The following TNS3 variants were observed in gnomAD, a reference collection of about 807,000 sequenced individuals.
The protein encoded by TNS3 is tensin 3.
TNS3 carries 45 observed loss-of-function variants against 140.9 expected under a neutral mutation model. The observed-to-expected ratio is 0.32, with a 90% CI of 0.25 to 0.41. The LOEUF (loss-of-function observed/expected upper bound fraction) is 0.41, where lower values mean the gene tolerates loss of function less well. TNS3 is among the 10% of genes least tolerant of loss of function. The probability of loss-of-function intolerance (pLI) is 1.00; values close to 1 mark genes in which losing one functional copy is unlikely to be tolerated. For missense variants in TNS3, 1,716 were observed against 1,906.7 expected, an observed-to-expected ratio of 0.90 and a Z score of 1.86; for synonymous variants, 815 against 788.4, an observed-to-expected ratio of 1.03 and a Z score of -0.56.
chr7:47,333,621 G>C (rs1788461765), intron 20 of TNS3, among the ~76,000 whole-genome samples: 1 of 152,088 alleles, frequency 6.6e-6, no homozygotes, highest in Non-Finnish European at 1.5e-5. Context: ...AACAGAAAAG[G>C]GAGTCGAGTA....
At chr7:47,443,359 C>T (rs1300788709) in intron 4 of TNS3, among the ~76,000 whole-genome samples, 1 of 152,042 alleles carries the variant, frequency 6.6e-6, no homozygotes, top group Non-Finnish European at 1.5e-5. Context: ...GTCTCCAGAC[C>T]CCGCCCACCC....
intron 13 of TNS3, among the ~76,000 whole-genome samples, chr7:47,411,425 A>G (rs1177586351): frequency 2.0e-5 from 3 of 152,154 alleles, no homozygotes; most frequent in Non-Finnish European, 1.5e-5. Context: ...GATCGCTCGC[A>G]TACACAGTTC....
At chr7:47,563,936 G>A (rs762362050) in intron 1 of TNS3, among the ~76,000 whole-genome samples, 119 of 152,304 alleles carry the variant, frequency 7.8e-4, no homozygotes, top group Non-Finnish European at 1.2e-3. Context: ...GCTCACGCCT[G>A]TAATCCCAGC....
chr7:47,485,681 CT>C (rs1180122216), intron 3 of TNS3, among the ~76,000 whole-genome samples: 1 of 152,250 alleles, frequency 6.6e-6, no homozygotes, highest in Non-Finnish European at 1.5e-5. Context: ...GCGAGGGCCC[CT>C]CTGAGAAGCC....
intron 20 of TNS3, among the ~76,000 whole-genome samples, chr7:47,309,016 G>A (rs1786921283): frequency 6.6e-6 from 1 of 152,190 alleles, no homozygotes; most frequent in African/African-American, 2.4e-5. Flanking sequence ...CCAACTCAGA[G>A]TCTCCCAGAT....
intron 8 of TNS3, among the ~76,000 whole-genome samples, chr7:47,430,350 G>C (rs1704966): frequency 6.6e-6 from 1 of 151,618 alleles, no homozygotes; most frequent in Non-Finnish European, 1.5e-5. Flanking sequence ...GGCTGATCTC[G>C]AACTCCCGAT....
At chr7:47,279,217 C>A (rs1440681208) in intron 30 of TNS3, 1 of 152,320 alleles carries the variant, frequency 6.6e-6, no homozygotes, top group African/African-American at 2.4e-5. Flanking sequence ...TGCCTGTGAT[C>A]AGGCACTGTG....
rs117729612 is a variant in TNS3 at position 47,387,925 on chromosome 7, C to A, written c.1024+8875G>T. On this transcript the variant is annotated intron_variant, in intron 16 of 30. Coordinates refer to ENST00000311160, the MANE Select transcript of TNS3 (RefSeq NM_022748.12). ...ACATTTTGGTTCTGTATATCAAATACTTAAAGTCAGCAGGTGCTCTCTTTC... is the reference window on the plus strand; with the variant it reads ...ACATTTTGGTTCTGTATATCAAATAATTAAAGTCAGCAGGTGCTCTCTTTC... Among the ~76,000 whole-genome samples, 352 of 152,334 alleles carry A rather than the reference C, an allele frequency of 2.3e-3. 1 individual carries two copies. The highest frequency in any genetic ancestry group is 3.8e-3 in the Non-Finnish European group (260 of 68,030).
At chr7:47,497,662 A>AACACACACACACAC (rs6150097) in intron 3 of TNS3, among the ~76,000 whole-genome samples, 1,476 of 91,194 alleles carry the variant, frequency 0.016, 24 homozygotes, top group East Asian at 0.048. Context: ...TCACGTATGG[A>AACACACACACACAC]ACACACACAC....
chr7:47,289,909 G>C (rs181313299), intron 27 of TNS3, among the ~76,000 whole-genome samples: 1 of 152,280 alleles, frequency 6.6e-6, no homozygotes, highest in African/African-American at 2.4e-5. Flanking sequence ...AGTTAATACA[G>C]AAAGGCAAAA....
chr7:47,540,411 A>G (rs1019731442), intron 1 of TNS3, among the ~76,000 whole-genome samples: 4 of 152,134 alleles, frequency 2.6e-5, no homozygotes, highest in Admixed American at 6.6e-5. Context: ...GAGCCCCTCC[A>G]TGAGTCAGAC....
chr7:47,368,280 T>C (rs1368591057), intron 17 of TNS3, 85 bp downstream of exon 17: 16 of 1,302,288 alleles, frequency 1.2e-5, no homozygotes, highest in South Asian at 2.5e-5. Flanking sequence ...CGCCAAAAGC[T>C]AACCTACTAG....
At chr7:47,416,684 C>T (rs569814466) in intron 10 of TNS3, among the ~76,000 whole-genome samples, 63 of 152,302 alleles carry the variant, frequency 4.1e-4, no homozygotes, top group African/African-American at 1.4e-3. Context: ...AGCTCCCACA[C>T]GCCTCTCCTG....
In TNS3 at chr7:47,368,766, G is replaced by C. The variant is rs755924390; in HGVS notation, c.1880C>G (p.Pro627Arg). The change falls in exon 17 of 31, where the codon CCC (proline) becomes CGC (arginine). Residue 627 changes from proline (P) to arginine (R), a missense_variant. By Grantham distance (103) the Pro-to-Arg change is moderately radical. Transcript: ENST00000311160. ...TCGGGTGGGGGTGAGTGGCACTCTG[G>C]GCTGGGCCTGGACGAGGCCAGGATT... ...ADNPGLVQAQ[P>R]RVPLTPTRGT... 1 of 1,593,344 alleles carries C rather than the reference G, an allele frequency of 6.3e-7. No individual in the cohort carries two copies.
chr7:47,582,198 G>C (rs1054086385), upstream of TNS3: 1 of 150,390 alleles, frequency 6.6e-6, no homozygotes, highest in African/African-American at 2.5e-5. Flanking sequence ...CGCCACGGCC[G>C]GCCCCCGCGC....
At chr7:47,506,149 G>A (rs1164380593) in intron 3 of TNS3, among the ~76,000 whole-genome samples, 2 of 152,176 alleles carry the variant, frequency 1.3e-5, no homozygotes, top group African/African-American at 4.8e-5. Flanking sequence ...CCAAACAGTA[G>A]ATGGGGCAAA....
intron 4 of TNS3, among the ~76,000 whole-genome samples, chr7:47,464,004 A>G (rs1206244327): frequency 6.6e-6 from 1 of 152,174 alleles, no homozygotes; most frequent in Admixed American, 6.5e-5. Context: ...AAGGGCCGTA[A>G]TCACAGCCTA....
intron 2 of TNS3, among the ~76,000 whole-genome samples, chr7:47,520,512 A>G (rs1160832973): frequency 6.6e-6 from 1 of 152,192 alleles, no homozygotes; most frequent in African/African-American, 2.4e-5. Context: ...GACAACCCAG[A>G]CCGTTGAGAA....
At chr7:47,423,455 C>T (rs1217903441) in intron 10 of TNS3, among the ~76,000 whole-genome samples, 2 of 152,242 alleles carry the variant, frequency 1.3e-5, no homozygotes, top group Non-Finnish European at 2.9e-5. Context: ...TGCACCCCAC[C>T]ATGACTATTC....
Sources: allele counts gnomAD v4.1 joint callset (sites outside exome capture counted in the v4.1 genomes callset), GRCh38; gene constraint gnomAD v4.1.1; transcripts MANE v1.5; gene names NCBI Gene and HGNC (gene_info 2026-07-23, HGNC 2026-07-21).